NCOA1: variants seen among roughly 807,000 people sequenced by gnomAD.
The protein encoded by NCOA1 is nuclear receptor coactivator 1.
A neutral mutation model predicts 150.9 loss-of-function variants in NCOA1; 35 were observed. That is an observed-to-expected ratio of 0.23 (90% CI 0.18 to 0.31). The LOEUF (loss-of-function observed/expected upper bound fraction) is 0.31. Among genes scored for constraint, NCOA1 ranks in the 10% least tolerant of loss-of-function variants. The probability of loss-of-function intolerance (pLI) is 1.00; values close to 1 mark genes in which losing one functional copy is unlikely to be tolerated. For missense variants in NCOA1, 1,491 were observed against 1,749.3 expected (o/e 0.85, Z 2.63); for synonymous variants, 590 against 630.0 (o/e 0.94, Z 0.95).
intron 8 of NCOA1, among the ~76,000 whole-genome samples, chr2:24,687,089 T>G (rs1156958455): frequency 1.3e-5 from 2 of 152,086 alleles, no homozygotes; most frequent in African/African-American, 4.8e-5. Flanking sequence ...CCATTCCTCC[T>G]TAATTCCTAA....
At chr2:24,710,137 A>G (rs1404290886) in intron 13 of NCOA1, among the ~76,000 whole-genome samples, 1 of 152,074 alleles carries the variant, frequency 6.6e-6, no homozygotes, top group African/African-American at 2.4e-5. Flanking sequence ...TCTGTAGCCC[A>G]GGCTGGAGTG....
rs1266023549 is a variant in NCOA1 at position 24,768,971 on chromosome 2, C to CT, written c.*587dup. 4.7e-6 allele frequency: 1 copy of CT among 213,302 alleles called. No homozygotes were observed. The highest frequency in any genetic ancestry group is 9.5e-6 in the Non-Finnish European group (1 of 105,264). 13.2% of individuals were successfully genotyped at this position (213,302 alleles called of 1,614,324 possible). On this transcript the variant is annotated 3_prime_UTR_variant, in exon 23 of 23. Coordinates refer to ENST00000348332, the MANE Select transcript of NCOA1 (RefSeq NM_003743.5). ...TGCCTCCACATATGTACCCCTTCTCCTTTTTTTAAAGATGGATTTAAACCA... is the reference window on the plus strand; with the variant it reads ...TGCCTCCACATATGTACCCCTTCTCCTTTTTTTTAAAGATGGATTTAAACCA...
At chr2:24,542,319 A>G (rs1241003933) in intron 1 of NCOA1, among the ~76,000 whole-genome samples, 3 of 152,164 alleles carry the variant, frequency 2.0e-5, no homozygotes, top group Non-Finnish European at 4.4e-5. Flanking sequence ...TAAGAGGGAA[A>G]ATTCTACAAA....
intron 3 of NCOA1, among the ~76,000 whole-genome samples, chr2:24,601,502 ACTGCAT>A (rs1668114688): frequency 6.6e-6 from 1 of 152,044 alleles, no homozygotes; most frequent in African/African-American, 2.4e-5. Flanking sequence ...GCCATGAGCC[ACTGCAT>A]CTGGTCAGAT....
At chr2:24,621,432 A>AT (rs1162282258) in intron 3 of NCOA1, among the ~76,000 whole-genome samples, 576 of 38,878 alleles carry the variant, frequency 0.015, 159 homozygotes, top group African/African-American at 0.038. Flanking sequence ...ATTCAGGCAG[A>AT]TTTTTTTTTT....
chr2:24,497,710 C>A (rs1663285594), intron 1 of NCOA1, among the ~76,000 whole-genome samples: 1 of 152,168 alleles, frequency 6.6e-6, no homozygotes, highest in Non-Finnish European at 1.5e-5. Context: ...TCTGGTCTCA[C>A]CTTTGTACTT....
In NCOA1 at chr2:24,664,684, G is replaced by T. The variant is rs571531144; in HGVS notation, c.90-1065G>T. Among the ~76,000 whole-genome samples, 4 of 151,862 alleles carry T rather than the reference G, an allele frequency of 2.6e-5. No individual in the cohort carries two copies. In the South Asian group the frequency reaches 8.3e-4, roughly 32 times the overall value. ...GATTGCGCCACTGCACTGCAGCCTGGCCTCACAGCAAGATTCCATCTCAAA... is the reference window on the plus strand; with the variant it reads ...GATTGCGCCACTGCACTGCAGCCTGTCCTCACAGCAAGATTCCATCTCAAA... On this transcript the variant is annotated intron_variant, in intron 5 of 22. Transcript: ENST00000348332.
At chr2:24,735,088 A>T (rs1440949868) in intron 17 of NCOA1, among the ~76,000 whole-genome samples, 1 of 152,234 alleles carries the variant, frequency 6.6e-6, no homozygotes, top group East Asian at 1.9e-4. Flanking sequence ...TGTTTTAGTG[A>T]CCTAAATGTG....
chr2:24,681,579 T>C (rs967344053), intron 7 of NCOA1, among the ~76,000 whole-genome samples: 6 of 152,252 alleles, frequency 3.9e-5, no homozygotes, highest in African/African-American at 2.4e-5. Flanking sequence ...GCTATCTCTA[T>C]AGCATTAGTG....
rs374738724 is a variant in NCOA1, at chr2:24,651,933, G to C, written c.-17-6728G>C. Among the ~76,000 whole-genome samples, 6 of 152,146 alleles carry C rather than the reference G, an allele frequency of 3.9e-5. No individual in the cohort carries two copies. The East Asian group carries it at 7.7e-4, about 20-fold the overall frequency. On this transcript the variant is annotated intron_variant, in intron 4 of 22. Transcript: ENST00000348332. The stretch of plus-strand genomic sequence containing the variant: ...ACTGGAACCCTTGTACATTACTGGT[G>C]GGAATTTTAAATGGTGTAGTTACTG...
intron 19 of NCOA1, among the ~76,000 whole-genome samples, chr2:24,749,424 G>A (rs1281365151): frequency 1.3e-5 from 2 of 152,172 alleles, no homozygotes; most frequent in African/African-American, 4.8e-5. Flanking sequence ...GCGCGCACGC[G>A]GGCATGCGTG....
chr2:24,624,426 T>C lies in NCOA1; in HGVS notation c.-174-19540T>C, dbSNP rs56173654. Among the ~76,000 whole-genome samples the C allele has an allele frequency of 9.0e-3, 1,370 of 152,338 alleles. 27 individuals are homozygous for C. Among genetic ancestry groups the C allele is most frequent in the African/African-American group, 0.031 (1,301 of 41,572 alleles). On this transcript the variant is annotated intron_variant, in intron 3 of 22. Coordinates refer to ENST00000348332, the MANE Select transcript of NCOA1 (RefSeq NM_003743.5). ...TGTCATAATCAGAGAAAATAAGCTTTTATTTTTAGAAAGTAGACAGATTAC... is the reference window on the plus strand; with the variant it reads ...TGTCATAATCAGAGAAAATAAGCTTCTATTTTTAGAAAGTAGACAGATTAC...
At chr2:24,589,945 A>T (rs1667583212) in intron 3 of NCOA1, among the ~76,000 whole-genome samples, 1 of 152,090 alleles carries the variant, frequency 6.6e-6, no homozygotes, top group South Asian at 2.1e-4. Context: ...TTTCTAATTT[A>T]TATCATCTTT....
intron 14 of NCOA1, among the ~76,000 whole-genome samples, chr2:24,721,515 C>A (rs1032665621): frequency 6.6e-6 from 1 of 152,224 alleles, no homozygotes; most frequent in African/African-American, 2.4e-5. Flanking sequence ...ATTATAGAAG[C>A]CCTACTTCTC....
At chr2:24,537,484 G>A (rs933984539) in intron 1 of NCOA1, among the ~76,000 whole-genome samples, 1 of 150,630 alleles carries the variant, frequency 6.6e-6, no homozygotes, top group South Asian at 2.1e-4. Context: ...ATATATGTAT[G>A]TGTGTGTGTG....
At chr2:24,593,786 A>G (rs1667758704) in intron 3 of NCOA1, among the ~76,000 whole-genome samples, 1 of 152,164 alleles carries the variant, frequency 6.6e-6, no homozygotes, top group Admixed American at 6.6e-5. Context: ...GCGTACAGGT[A>G]TTCACATATG....
chr2:24,610,678 A>C (rs977808030), intron 3 of NCOA1, among the ~76,000 whole-genome samples: 2 of 151,070 alleles, frequency 1.3e-5, no homozygotes, highest in Non-Finnish European at 2.9e-5. Context: ...ATATTTGATA[A>C]TTCTAATATC....
intron 1 of NCOA1, among the ~76,000 whole-genome samples, chr2:24,499,098 A>G (rs1215061358): frequency 6.6e-6 from 1 of 152,206 alleles, no homozygotes; most frequent in African/African-American, 2.4e-5. Flanking sequence ...TACTTGCCCA[A>G]GAGTTAGCCA....
In NCOA1 at chr2:24,493,220, T is replaced by A. The variant is rs145744960; in HGVS notation, c.-396+1618T>A. On this transcript the variant is annotated intron_variant, in intron 1 of 22. Transcript: ENST00000348332. Reference sequence around the variant, plus strand: ...TAGATAAAATGGAAGTGTTTCTGTTTTATCTCCTGTACTTTGTGGAAAGGT... The same window carrying A: ...TAGATAAAATGGAAGTGTTTCTGTTATATCTCCTGTACTTTGTGGAAAGGT... Among the ~76,000 whole-genome samples, 14 of 152,342 alleles carry A rather than the reference T, an allele frequency of 9.2e-5. No homozygotes were observed. In the East Asian group the frequency reaches 2.7e-3, roughly 29 times the overall value.
Sources: gnomAD v4.1 joint callset for allele counts (sites outside exome capture counted in the v4.1 genomes callset) on GRCh38, gnomAD v4.1.1 for gene constraint, MANE v1.5 for transcripts, NCBI Gene and HGNC (gene_info 2026-07-23, HGNC 2026-07-21) for gene names.